Variants in DNAH14 observed in about 807,000 individuals in gnomAD.
DNAH14 encodes the protein axonemal beta dynein heavy chain 14.
DNAH14 carries 478 observed loss-of-function variants against 520.9 expected under a neutral mutation model. That is an observed-to-expected ratio of 0.92 (90% CI 0.85 to 0.99). The LOEUF is 0.99. Among genes scored for constraint, DNAH14 ranks in the 50% least tolerant of loss-of-function variants. The pLI, the probability that DNAH14 is intolerant of heterozygous loss-of-function variation, is 0.00. For synonymous variants in DNAH14, 1,581 were observed against 1,757.2 expected (o/e 0.90, Z 2.51); for missense variants, 4,831 against 5,234.5 (o/e 0.92, Z 2.38).
intron 1 of DNAH14, among the ~76,000 whole-genome samples, chr1:224,930,406 A>C (rs2125314249): frequency 6.6e-6 from 1 of 152,314 alleles, no homozygotes; most frequent in Non-Finnish European, 1.5e-5. Context: ...TAACAGCGGT[A>C]GTCCCATAAG....
chr1:225,185,607 G>A (rs936685582), intron 37 of DNAH14, among the ~76,000 whole-genome samples, 182 bp downstream of exon 37: 2 of 151,830 alleles, frequency 1.3e-5, no homozygotes, highest in Non-Finnish European at 2.9e-5. Context: ...ATCATTACTA[G>A]TTTAAAGAAA....
Position 225,043,028 on chromosome 1 carries a change from G to A in DNAH14, c.1682G>A (p.Cys561Tyr), listed in dbSNP as rs2067614752. The A allele has an allele frequency of 6.4e-7, 1 of 1,551,376 alleles. No individual in the cohort carries two copies. Among genetic ancestry groups the A allele is most frequent in the African/African-American group, 1.4e-5 (1 of 72,956 alleles). Reference sequence around the variant, plus strand: ...GAAATGTCAGAAAATAAAGACAATTGTGTCAAAAAACACTCAAGTGAAGAA... The same window carrying A: ...GAAATGTCAGAAAATAAAGACAATTATGTCAAAAAACACTCAAGTGAAGAA... ...EDEMSENKDN[C>Y]VKKHSSEELL... The change falls in exon 13 of 86, where the codon TGT (cysteine) becomes TAT (tyrosine). Residue 561 changes from cysteine to tyrosine, a missense_variant. By Grantham distance (194) the Cys-to-Tyr change is radical. Transcript: ENST00000682510.
At chr1:225,110,177 C>T (rs959432211) in intron 23 of DNAH14, among the ~76,000 whole-genome samples, 1 of 151,990 alleles carries the variant, frequency 6.6e-6, no homozygotes, top group African/African-American at 2.4e-5. Flanking sequence ...CTTTTAGTAT[C>T]AGGGTAATAC....
chr1:225,283,543 C>G (rs951530925), intron 54 of DNAH14, among the ~76,000 whole-genome samples: 1 of 151,716 alleles, frequency 6.6e-6, no homozygotes, highest in Admixed American at 6.6e-5. Flanking sequence ...GAACCAAAAC[C>G]GACAGAATTT....
intron 27 of DNAH14, among the ~76,000 whole-genome samples, chr1:225,136,604 T>C (rs2078973122): frequency 6.6e-6 from 1 of 152,166 alleles, no homozygotes; most frequent in Non-Finnish European, 1.5e-5. Context: ...ATTTTGACCA[T>C]GGAGAATCTC....
At chr1:225,356,106 G>A (rs1189835449) in intron 73 of DNAH14, among the ~76,000 whole-genome samples, 1 of 152,294 alleles carries the variant, frequency 6.6e-6, no homozygotes, top group Non-Finnish European at 1.5e-5. Flanking sequence ...TCCATTGAGA[G>A]ACAACAAAGG....
At chr1:225,270,940 C>G (rs2093299495) in intron 50 of DNAH14, 74 bp downstream of exon 50, 3 of 1,392,342 alleles carry the variant, frequency 2.2e-6, no homozygotes, top group African/African-American at 2.9e-5. Flanking sequence ...GAACTTAAAT[C>G]CACTAATATT....
chr1:225,087,520 C>G (rs899745216), intron 21 of DNAH14, among the ~76,000 whole-genome samples: 1 of 152,166 alleles, frequency 6.6e-6, no homozygotes, highest in Non-Finnish European at 1.5e-5. Context: ...GTTTTCGGGA[C>G]ACTGGACATC....
At chr1:225,167,310 CT>C (rs1469515698) in intron 35 of DNAH14, among the ~76,000 whole-genome samples, 1 of 152,180 alleles carries the variant, frequency 6.6e-6, no homozygotes, top group Non-Finnish European at 1.5e-5. Context: ...ATAAATCCCA[CT>C]TTTTTCTGTA....
At chr1:225,151,789 A>C (rs2080525575) in intron 31 of DNAH14, 1 of 651,326 alleles carries the variant, frequency 1.5e-6, no homozygotes, top group African/African-American at 1.8e-5. Flanking sequence ...CTTTGGACAT[A>C]ATCAAATACA....
chr1:225,346,236 T>C lies in DNAH14; in HGVS notation c.10953T>C (p.His3651=), dbSNP rs564384535. The C allele has an allele frequency of 1.4e-4, 219 of 1,551,598 alleles. 3 individuals carry two copies. Among genetic ancestry groups the C allele is most frequent in the South Asian group, 8.8e-4 (74 of 84,060 alleles). ...TTTCCAAAAGCAAAGAACAAGAACA[T>C]AGTTTTAAAAGGGAGAAAGTGTCTC... ...SVVSKSKEQE[H]SFKREKVSPK... is the part of the protein sequence containing the mutation. The change falls in exon 70 of 86, where the codon CAT becomes CAC. Residue 3651 remains histidine (H), a synonymous_variant. Coordinates refer to ENST00000682510, the MANE Select transcript of DNAH14 (RefSeq NM_001367479.1).
At chr1:225,188,782 C>T (rs978910497) in intron 37 of DNAH14, among the ~76,000 whole-genome samples, 2 of 151,896 alleles carry the variant, frequency 1.3e-5, no homozygotes, top group Middle Eastern at 3.2e-3. Flanking sequence ...TTGGTGAATA[C>T]TACCATCTTA....
At chr1:225,347,986 A>AT (rs1470461501) in intron 71 of DNAH14, among the ~76,000 whole-genome samples, 1 of 152,212 alleles carries the variant, frequency 6.6e-6, no homozygotes, top group Non-Finnish European at 1.5e-5. Context: ...AGTCAGTTAA[A>AT]TGATGCATGA....
At chr1:225,186,150 T>G (rs79095521) in intron 37 of DNAH14, among the ~76,000 whole-genome samples, 2 of 151,974 alleles carry the variant, frequency 1.3e-5, no homozygotes, top group Non-Finnish European at 3.0e-5. Flanking sequence ...TGTACTTCAA[T>G]TACTTAGTTA....
At chr1:225,119,828 G>C (rs1355886165) in intron 26 of DNAH14, among the ~76,000 whole-genome samples, 1 of 152,058 alleles carries the variant, frequency 6.6e-6, no homozygotes, top group Non-Finnish European at 1.5e-5. Context: ...ATTCATTGTT[G>C]GTAATAGAAA....
intron 17 of DNAH14, among the ~76,000 whole-genome samples, chr1:225,075,111 A>C (rs2072093792): frequency 6.6e-6 from 1 of 152,204 alleles, no homozygotes; most frequent in Non-Finnish European, 1.5e-5. Context: ...TCTGTGTGTC[A>C]GACTGAAGGC....
At chr1:225,162,363 G>A (rs1055268938) in intron 35 of DNAH14, among the ~76,000 whole-genome samples, 4 of 152,028 alleles carry the variant, frequency 2.6e-5, no homozygotes, top group Non-Finnish European at 5.9e-5. Flanking sequence ...ATTGGTCTGT[G>A]TGTCTATTTT....
At chr1:224,932,169 G>A (rs1007401577) in intron 1 of DNAH14, among the ~76,000 whole-genome samples, 1 of 151,950 alleles carries the variant, frequency 6.6e-6, no homozygotes, top group Non-Finnish European at 1.5e-5. Context: ...GGGGTAGGAT[G>A]GTATCTCATT....
chr1:225,014,397 T>A (rs2065046060), intron 10 of DNAH14, among the ~76,000 whole-genome samples: 1 of 132,978 alleles, frequency 7.5e-6, no homozygotes, highest in South Asian at 2.8e-4. Context: ...GCTGTTTCTA[T>A]TTGGCCATCT....
Sources: gnomAD v4.1 joint callset for allele counts (sites outside exome capture counted in the v4.1 genomes callset) on GRCh38, gnomAD v4.1.1 for gene constraint, MANE v1.5 for transcripts, NCBI Gene and HGNC (gene_info 2026-07-23, HGNC 2026-07-21) for gene names.